RYR3: variants seen among roughly 807,000 people sequenced by gnomAD.
RYR3 encodes the protein brain ryanodine receptor-calcium release channel.
A neutral mutation model predicts 584.3 loss-of-function variants in RYR3; 207 were observed. The observed-to-expected ratio is 0.35, with a 90% CI of 0.32 to 0.40. RYR3 has a LOEUF of 0.40. Ranked by LOEUF, RYR3 falls within the 10% of genes least tolerant of loss-of-function variation. The pLI is 1.00. For synonymous variants in RYR3, 2,416 were observed against 2,248.5 expected (o/e 1.07, Z -2.11); for missense variants, 5,616 against 6,089.2 (o/e 0.92, Z 2.59).
At position 33,581,432 on chromosome 15, in the gene RYR3, C is replaced by T. The variant is rs2058585927; in HGVS notation, c.1438-76C>T. 79 of 1,421,858 alleles carry T rather than the reference C, an allele frequency of 5.6e-5. 1 individual carries two copies. In the South Asian group the frequency reaches 9.8e-4, roughly 18 times the overall value. The allele number at this position is 1,421,858 out of a possible 1,614,324, so 88.1% of individuals were successfully genotyped here. On this transcript the variant is annotated intron_variant, in intron 13 of 103. Transcript: ENST00000634891. ...TTTCAGCTTTAAAAGGTGAATGATA[C>T]AGGAGGGGAAAGAGCATAAGGGACT...
At chr15:33,795,554 C>A (rs1481295871) in intron 67 of RYR3, among the ~76,000 whole-genome samples, 1 of 151,898 alleles carries the variant, frequency 6.6e-6, no homozygotes, top group East Asian at 1.9e-4. Flanking sequence ...GCCACTACGC[C>A]TGGCTAATTT....
At chr15:33,468,456 C>G (rs1183672931) in intron 1 of RYR3, among the ~76,000 whole-genome samples, 1 of 152,104 alleles carries the variant, frequency 6.6e-6, no homozygotes, top group Non-Finnish European at 1.5e-5. Flanking sequence ...AAGCTATGGA[C>G]TCCAAAGCCT....
intron 1 of RYR3, chr15:33,467,605 C>A: frequency 3.0e-6 from 1 of 336,924 alleles, no homozygotes; most frequent in Non-Finnish European, 4.2e-6. Context: ...TGACCTGTGA[C>A]AATGTGAAAT....
rs371354283 is a variant in RYR3, at chr15:33,539,891, A to G, written c.546+429A>G. On this transcript the variant is annotated intron_variant, in intron 6 of 103. Transcript: ENST00000634891. ...AAAGATCTTCATCCTTGTCATCTTC[A>G]CGTTGAACAGGAGGAAGAGAAGGAG... 2.4e-4 allele frequency among the ~76,000 whole-genome samples: 36 copies of G among 152,256 alleles called. No individual in the cohort carries two copies. The East Asian group carries it at 6.4e-3, about 27-fold the overall frequency.
rs1235502122 is a variant in RYR3 at position 33,726,406 on chromosome 15, G to A, written c.6933G>A (p.Gly2311=). 3.1e-6 allele frequency: 5 copies of A among 1,613,042 alleles called. No individual in the cohort carries two copies. Among genetic ancestry groups the A allele is most frequent in the Non-Finnish European group, 4.2e-6 (5 of 1,179,630 alleles). Residue 2311 remains glycine (G), a synonymous_variant, in exon 46 of 104, where the codon GGG becomes GGA. Transcript: ENST00000634891. ...PEMHLIQTGK[G]EAIRIRSILR... ...TCCAGCTCATCCAGACAGGAAAGGG[G>A]GAAGCCATCCGCATCAGGTCCATCC...
intron 38 of RYR3, among the ~76,000 whole-genome samples, chr15:33,684,198 C>A (rs905820902): frequency 2.6e-5 from 4 of 152,224 alleles, no homozygotes. Flanking sequence ...GGGTCCCTGA[C>A]CCCCATGTAG....
At chr15:33,424,727 C>T (rs947394953) in intron 1 of RYR3, among the ~76,000 whole-genome samples, 3 of 152,174 alleles carry the variant, frequency 2.0e-5, no homozygotes, top group African/African-American at 7.2e-5. Context: ...TCTGTCATCA[C>T]ATGGGGGTTT....
chr15:33,565,741 G>A lies in RYR3; in HGVS notation c.1147-937G>A, dbSNP rs191759827. On this transcript the variant is annotated intron_variant, in intron 11 of 103. Coordinates refer to ENST00000634891, the MANE Select transcript of RYR3 (RefSeq NM_001036.6). ...TCAAACTAACCTTGACTTGAACCAG[G>A]ATCAAACTACCTCACTTAACATCTT... Among the ~76,000 whole-genome samples, 96 of 152,180 alleles carry A rather than the reference G, an allele frequency of 6.3e-4. 2 individuals are homozygous for A. The highest frequency in any genetic ancestry group is 2.2e-3 in the Admixed American group (34 of 15,282).
intron 1 of RYR3, among the ~76,000 whole-genome samples, chr15:33,441,986 A>G (rs537155128): frequency 2.2e-4 from 33 of 152,332 alleles, no homozygotes; most frequent in African/African-American, 7.7e-4. Context: ...TGGATTATCC[A>G]TAGGAATTTC....
Position 33,838,534 on chromosome 15 carries a change from TCTC to T in RYR3, c.12557_12559del (p.Ser4186del), listed in dbSNP as rs1171785119. 3.7e-6 allele frequency: 6 copies of T among 1,613,902 alleles called. 1 individual carries two copies. The Admixed American group carries it at 1.0e-4, about 27-fold the overall frequency. ...GCGAAGGAGCTGGTGAAGGTGCTCT[TCTC>T]CTTTTTCTGGATGCTGTTCGTGGGG... On this transcript the variant is annotated inframe_deletion, in exon 89 of 104. Coordinates refer to ENST00000634891, the MANE Select transcript of RYR3 (RefSeq NM_001036.6).
intron 20 of RYR3, among the ~76,000 whole-genome samples, chr15:33,624,990 C>G (rs2060911751): frequency 1.3e-5 from 2 of 152,064 alleles, no homozygotes; most frequent in Non-Finnish European, 2.9e-5. Flanking sequence ...TGGCTAATGA[C>G]TATGTATTAG....
intron 14 of RYR3, among the ~76,000 whole-genome samples, chr15:33,583,857 G>T (rs1295396430): frequency 6.6e-6 from 1 of 152,014 alleles, no homozygotes. Flanking sequence ...TTCGAGACCA[G>T]CCTGGCCAAC....
chr15:33,337,295 A>G (rs1465038341), intron 1 of RYR3, among the ~76,000 whole-genome samples: 1 of 152,120 alleles, frequency 6.6e-6, no homozygotes, highest in East Asian at 1.9e-4. Context: ...GAAGAAGACA[A>G]TTAGAATGCT....
At chr15:33,326,300 A>G (rs990490554) in intron 1 of RYR3, among the ~76,000 whole-genome samples, 1 of 152,172 alleles carries the variant, frequency 6.6e-6, no homozygotes, top group African/African-American at 2.4e-5. Context: ...CCATCCACCC[A>G]TTCATCCAGC....
At chr15:33,383,202 A>G (rs1467497666) in intron 1 of RYR3, among the ~76,000 whole-genome samples, 2 of 150,656 alleles carry the variant, frequency 1.3e-5, no homozygotes, top group African/African-American at 4.9e-5. Flanking sequence ...GGAAAAGTGA[A>G]TGATGAGCAT....
intron 15 of RYR3, 41 bp downstream of exon 15, chr15:33,584,531 G>GTTTTT: frequency 1.3e-6 from 1 of 782,874 alleles, no homozygotes; most frequent in South Asian, 1.9e-5. Context: ...AAGATGAAGG[G>GTTTTT]TTTTTTTTTT....
intron 1 of RYR3, among the ~76,000 whole-genome samples, chr15:33,413,374 C>G (rs1011698413): frequency 6.6e-6 from 1 of 152,086 alleles, no homozygotes; most frequent in African/African-American, 2.4e-5. Context: ...ACTCTTAAAC[C>G]AAAGCAAGAG....
At position 33,530,619 on chromosome 15, in the gene RYR3, C is replaced by T; in HGVS notation, c.307C>T (p.Leu103=). Residue 103 remains leucine (L), a synonymous_variant, in exon 4 of 104, where the codon CTG becomes TTG. Coordinates refer to ENST00000634891, the MANE Select transcript of RYR3 (RefSeq NM_001036.6). ...GAAQGGGHRT[L]LYGHAVLLRH... ...AGCACAAGGAGGTGGCCACAGGACC[C>T]TGTTATACGGCCATGCAGTTCTCCT... 1 of 1,613,706 alleles carries T rather than the reference C, an allele frequency of 6.2e-7. No individual in the cohort carries two copies. Among genetic ancestry groups the T allele is most frequent in the South Asian group, 1.1e-5 (1 of 91,050 alleles).
At chr15:33,423,288 C>A (rs1323840493) in intron 1 of RYR3, among the ~76,000 whole-genome samples, 1 of 152,164 alleles carries the variant, frequency 6.6e-6, no homozygotes, top group Non-Finnish European at 1.5e-5. Flanking sequence ...TTTCACTTAA[C>A]AAAATGTTTC....
Sources: gnomAD v4.1 joint callset for allele counts (sites outside exome capture counted in the v4.1 genomes callset) on GRCh38, gnomAD v4.1.1 for gene constraint, MANE v1.5 for transcripts, NCBI Gene and HGNC (gene_info 2026-07-23, HGNC 2026-07-21) for gene names.